Variants in CSMD1 observed in about 807,000 individuals in gnomAD.
CSMD1 encodes the protein CUB and sushi domain-containing protein 1.
CSMD1 carries 213 observed loss-of-function variants against 417.5 expected under a neutral mutation model. The observed-to-expected ratio is 0.51, with a 90% CI of 0.46 to 0.57. The LOEUF is 0.57. CSMD1 is among the 20% of genes least tolerant of loss of function. The probability of loss-of-function intolerance (pLI) is 0.00; values close to 1 mark genes in which losing one functional copy is unlikely to be tolerated. For synonymous variants in CSMD1, 2,862 were observed against 1,736.8 expected, an observed-to-expected ratio of 1.65 and a Z score of -16.11; for missense variants, 6,923 against 4,529.7, an observed-to-expected ratio of 1.53 and a Z score of -15.17.
chr8:3,003,022 T>G (rs919707215), intron 52 of CSMD1, among the ~76,000 whole-genome samples: 3 of 152,256 alleles, frequency 2.0e-5, no homozygotes, highest in African/African-American at 7.2e-5. Context: ...TGTGGCTTCC[T>G]ATTTTGAAAC....
At chr8:4,454,599 G>A (rs1799357220) in intron 2 of CSMD1, among the ~76,000 whole-genome samples, 1 of 152,164 alleles carries the variant, frequency 6.6e-6, no homozygotes, top group Non-Finnish European at 1.5e-5. Flanking sequence ...GGCTGGCTGG[G>A]GAAGGAGGGC....
At chr8:3,370,907 C>T (rs748694458) in intron 18 of CSMD1, among the ~76,000 whole-genome samples, 10 of 151,680 alleles carry the variant, frequency 6.6e-5, no homozygotes, top group South Asian at 2.1e-4. Context: ...ACCCGGGATG[C>T]GGAGGTTGCA....
chr8:4,465,422 T>C (rs1800106868), intron 2 of CSMD1, among the ~76,000 whole-genome samples: 1 of 152,146 alleles, frequency 6.6e-6, no homozygotes, highest in Admixed American at 6.5e-5. Context: ...AGGAGCCTTG[T>C]ACGTTCACCA....
chr8:4,060,535 G>A (rs1022988125), intron 3 of CSMD1, among the ~76,000 whole-genome samples: 2 of 152,186 alleles, frequency 1.3e-5, no homozygotes, highest in African/African-American at 2.4e-5. Context: ...CGGAGAAGGA[G>A]TGTGGCCTCT....
At chr8:3,183,576 AATCT>A (rs1468601118) in intron 36 of CSMD1, among the ~76,000 whole-genome samples, 1 of 137,410 alleles carries the variant, frequency 7.3e-6, no homozygotes, top group Admixed American at 7.4e-5. Context: ...TCTAACGCCT[AATCT>A]ATCTATCCCT....
intron 11 of CSMD1, among the ~76,000 whole-genome samples, chr8:3,487,061 A>C (rs1200358747): frequency 6.6e-6 from 1 of 152,136 alleles, no homozygotes; most frequent in Non-Finnish European, 1.5e-5. Context: ...GCATAACAAC[A>C]TTCTACTAAC....
At chr8:4,641,016 G>C (rs1190987808) in intron 1 of CSMD1, among the ~76,000 whole-genome samples, 1 of 151,390 alleles carries the variant, frequency 6.6e-6, no homozygotes, top group East Asian at 2.0e-4. Flanking sequence ...TGATACTGAA[G>C]TTTGATTTCA....
intron 1 of CSMD1, among the ~76,000 whole-genome samples, chr8:4,721,721 A>C (rs1649041832): frequency 6.6e-6 from 1 of 152,158 alleles, no homozygotes; most frequent in African/African-American, 2.4e-5. Context: ...AACCAAAGGA[A>C]ATGAAACCAG....
chr8:3,307,295 T>C (rs1804948038), intron 25 of CSMD1, among the ~76,000 whole-genome samples: 1 of 151,666 alleles, frequency 6.6e-6, no homozygotes, highest in Admixed American at 6.6e-5. Flanking sequence ...GTGCAGGGGC[T>C]CCTGCTTTCC....
chr8:4,715,099 C>A (rs1676964), intron 1 of CSMD1, among the ~76,000 whole-genome samples: 134,706 of 152,210 alleles, frequency 0.89, 59,708 homozygotes, highest in East Asian at 0.99. Context: ...CCAGTCCTCT[C>A]ATCACTTATA....
At chr8:4,450,406 T>C (rs746906918) in intron 2 of CSMD1, among the ~76,000 whole-genome samples, 1 of 152,124 alleles carries the variant, frequency 6.6e-6, no homozygotes, top group Non-Finnish European at 1.5e-5. Context: ...GGCAGGCGGA[T>C]CAGCAGGTCA....
chr8:4,204,193 G>A (rs1201351662), intron 3 of CSMD1, among the ~76,000 whole-genome samples: 1 of 152,040 alleles, frequency 6.6e-6, no homozygotes, highest in African/African-American at 2.4e-5. Flanking sequence ...GTGTGCCTGA[G>A]ATGGAATTTC....
At chr8:3,382,507 T>TTATATAAATATATATTTATATAAA (rs1554532555) in intron 18 of CSMD1, among the ~76,000 whole-genome samples, 9 of 131,610 alleles carry the variant, frequency 6.8e-5, no homozygotes, top group Admixed American at 6.8e-4. Flanking sequence ...GTATATAAAT[T>TTATATAAATATATATTTATATAAA]TATATATATA....
At chr8:4,188,611 C>G (rs554534721) in intron 3 of CSMD1, among the ~76,000 whole-genome samples, 2 of 152,222 alleles carry the variant, frequency 1.3e-5, no homozygotes, top group East Asian at 3.9e-4. Context: ...GCTTAAGATT[C>G]TGTGAGTAAG....
intron 10 of CSMD1, among the ~76,000 whole-genome samples, chr8:3,529,480 T>G (rs968637753): frequency 6.6e-6 from 1 of 152,104 alleles, no homozygotes; most frequent in African/African-American, 2.4e-5. Flanking sequence ...AAGGAAGAAA[T>G]TGGGATTATG....
intron 5 of CSMD1, among the ~76,000 whole-genome samples, chr8:3,786,383 G>A (rs1456660401): frequency 6.6e-6 from 1 of 152,096 alleles, no homozygotes; most frequent in African/African-American, 2.4e-5. Flanking sequence ...AGATACTAGA[G>A]TGAGAAGAAG....
At chr8:3,614,474 T>A (rs534142018) in intron 8 of CSMD1, among the ~76,000 whole-genome samples, 1 of 152,180 alleles carries the variant, frequency 6.6e-6, no homozygotes, top group Non-Finnish European at 1.5e-5. Flanking sequence ...ACCTAGGATA[T>A]GATTAAAACT....
chr8:3,150,861 AT>A (rs1819153070), intron 40 of CSMD1, among the ~76,000 whole-genome samples: 1 of 152,216 alleles, frequency 6.6e-6, no homozygotes, highest in Admixed American at 6.5e-5. Flanking sequence ...CAACAATTAA[AT>A]TTATGAATTA....
rs59872965 is a variant in CSMD1, at chr8:4,680,975, TGA to T, written c.86-43419_86-43418del. ...ATGTGTGTGTGTGTGTGTGTGTGTG[TGA>T]GAGAGAGAGAGAGAGAGAGAGAGAG... On this transcript the variant is annotated intron_variant, in intron 1 of 69. Coordinates refer to ENST00000635120, the MANE Select transcript of CSMD1 (RefSeq NM_033225.6). Among the ~76,000 whole-genome samples the T allele has an allele frequency of 6.4e-3, 868 of 136,678 alleles. 5 individuals carry two copies. Among genetic ancestry groups the T allele is most frequent in the African/African-American group, 0.011 (413 of 36,032 alleles). The allele number at this position is 136,678 out of a possible 152,430, so 89.7% of individuals were successfully genotyped here.
Sources: gnomAD v4.1 joint callset for allele counts (sites outside exome capture counted in the v4.1 genomes callset) on GRCh38, gnomAD v4.1.1 for gene constraint, MANE v1.5 for transcripts, NCBI Gene and HGNC (gene_info 2026-07-23, HGNC 2026-07-21) for gene names.